ROBO1: variants seen among roughly 807,000 people sequenced by gnomAD.
The protein encoded by ROBO1 is roundabout guidance receptor 1.
ROBO1 carries 149 observed loss-of-function variants against 195.9 expected under a neutral mutation model. The ratio of observed to expected loss-of-function variants is 0.76; its 90% CI spans 0.67 to 0.87. The LOEUF (loss-of-function observed/expected upper bound fraction) is 0.87, where lower values mean the gene tolerates loss of function less well. Among genes scored for constraint, ROBO1 ranks in the 40% least tolerant of loss-of-function variants. The probability of loss-of-function intolerance (pLI) is 0.00; values close to 1 mark genes in which losing one functional copy is unlikely to be tolerated. For missense variants in ROBO1, 1,933 were observed against 2,068.3 expected, an observed-to-expected ratio of 0.93 and a Z score of 1.27; for synonymous variants, 816 against 733.2, an observed-to-expected ratio of 1.11 and a Z score of -1.82.
intron 2 of ROBO1, among the ~76,000 whole-genome samples, chr3:79,146,447 T>C (rs545690210): frequency 2.6e-5 from 4 of 152,172 alleles, no homozygotes; most frequent in Middle Eastern, 3.4e-3. Flanking sequence ...TATACTTTTG[T>C]AGGGCTAAAT....
In ROBO1 at chr3:78,751,346, C is replaced by T. The variant is rs2082791755; in HGVS notation, c.500-4446G>A. Among the ~76,000 whole-genome samples, 3 of 151,984 alleles carry T rather than the reference C, an allele frequency of 2.0e-5. No homozygotes were observed. The South Asian group carries it at 6.2e-4, about 32-fold the overall frequency. On this transcript the variant is annotated intron_variant, in intron 4 of 30. Transcript: ENST00000464233. ...GTCAGCAATATAATAATGATGTTAGCAATGGCTGATGCTAATTGAACATTT... is the reference window on the plus strand; with the variant it reads ...GTCAGCAATATAATAATGATGTTAGTAATGGCTGATGCTAATTGAACATTT...
At chr3:79,152,759 C>G (rs1219916989) in intron 2 of ROBO1, among the ~76,000 whole-genome samples, 1 of 151,618 alleles carries the variant, frequency 6.6e-6, no homozygotes, top group Non-Finnish European at 1.5e-5. Context: ...ACAAGACACA[C>G]AATCATGCAA....
intron 1 of ROBO1, among the ~76,000 whole-genome samples, chr3:79,723,601 C>T (rs976950599): frequency 4.6e-5 from 7 of 152,152 alleles, no homozygotes; most frequent in Middle Eastern, 3.4e-3. Flanking sequence ...ATGGATTTTA[C>T]ACTAAGATAA....
intron 3 of ROBO1, among the ~76,000 whole-genome samples, chr3:79,010,100 T>C (rs1011370396): frequency 6.6e-6 from 1 of 152,142 alleles, no homozygotes; most frequent in Admixed American, 6.6e-5. Flanking sequence ...CAGTAAGATG[T>C]AACATAAAAA....
chr3:79,297,997 T>C (rs184833505), intron 2 of ROBO1, among the ~76,000 whole-genome samples: 1 of 152,156 alleles, frequency 6.6e-6, no homozygotes, highest in African/African-American at 2.4e-5. Context: ...GAAAGTTCAA[T>C]GTCTGGGACT....
chr3:78,772,081 T>C (rs2083390104), intron 4 of ROBO1, among the ~76,000 whole-genome samples: 1 of 152,122 alleles, frequency 6.6e-6, no homozygotes, highest in South Asian at 2.1e-4. Flanking sequence ...ACAGATGTAA[T>C]AAATTTTCCA....
At chr3:79,048,491 T>C (rs1196102444) in intron 3 of ROBO1, among the ~76,000 whole-genome samples, 1 of 152,160 alleles carries the variant, frequency 6.6e-6, no homozygotes, top group Non-Finnish European at 1.5e-5. Context: ...CATGTGCTTC[T>C]CATGGAACCC....
intron 11 of ROBO1, 119 bp downstream of exon 11, chr3:78,669,977 T>C (rs2107712735): frequency 4.4e-6 from 3 of 679,402 alleles, no homozygotes; most frequent in East Asian, 2.8e-5. Flanking sequence ...ATTAAAAATA[T>C]ATTACTACTC....
intron 1 of ROBO1, among the ~76,000 whole-genome samples, chr3:79,681,402 A>C (rs745987575): frequency 1.3e-5 from 2 of 152,004 alleles, no homozygotes; most frequent in Non-Finnish European, 2.9e-5. Flanking sequence ...TCAGAGAAGC[A>C]GTTGAGTATA....
chr3:79,049,129 G>A (rs753933662), intron 3 of ROBO1, among the ~76,000 whole-genome samples: 10 of 151,988 alleles, frequency 6.6e-5, no homozygotes, highest in African/African-American at 1.4e-4. Flanking sequence ...CTAACCCACC[G>A]CAATGAAGCT....
intron 2 of ROBO1, among the ~76,000 whole-genome samples, chr3:79,339,187 T>C (rs2034807025): frequency 6.6e-6 from 1 of 152,222 alleles, no homozygotes; most frequent in Admixed American, 6.5e-5. Context: ...TCTCTTCTGC[T>C]TCCATCCTTG....
At chr3:79,141,903 C>G (rs188043620) in intron 2 of ROBO1, among the ~76,000 whole-genome samples, 68 of 152,156 alleles carry the variant, frequency 4.5e-4, no homozygotes, top group African/African-American at 1.5e-3. Flanking sequence ...CCACATATAA[C>G]ATGTTTTTAT....
intron 4 of ROBO1, among the ~76,000 whole-genome samples, chr3:78,761,887 T>G (rs1350115282): frequency 1.3e-5 from 2 of 152,140 alleles, no homozygotes; most frequent in African/African-American, 2.4e-5. Context: ...GTAACTAGCT[T>G]CCTATCAGCC....
intron 3 of ROBO1, among the ~76,000 whole-genome samples, chr3:79,006,791 T>A (rs2077634245): frequency 2.0e-5 from 3 of 150,642 alleles, no homozygotes; most frequent in South Asian, 4.2e-4. Flanking sequence ...CTCTCATAAG[T>A]TTTATTGTGA....
chr3:79,572,901 G>A (rs1178485495), intron 2 of ROBO1, among the ~76,000 whole-genome samples: 1 of 151,966 alleles, frequency 6.6e-6, no homozygotes, highest in African/African-American at 2.4e-5. Flanking sequence ...AATCAGATAC[G>A]CAATATAAGA....
chr3:79,755,665 GA>G (rs57015526), intron 1 of ROBO1, among the ~76,000 whole-genome samples: 36,915 of 150,840 alleles, frequency 0.24, 4,721 homozygotes, highest in East Asian at 0.33. Flanking sequence ...ATAATAAGAA[GA>G]AAAAAAAACA....
intron 29 of ROBO1, among the ~76,000 whole-genome samples, chr3:78,601,779 T>G (rs756707976): frequency 3.3e-5 from 5 of 152,132 alleles, no homozygotes; most frequent in Admixed American, 6.6e-5. Context: ...ACTATGAAAC[T>G]GAGAAAATTG....
intron 2 of ROBO1, among the ~76,000 whole-genome samples, chr3:79,392,065 T>A (rs998158984): frequency 6.6e-6 from 1 of 152,206 alleles, no homozygotes; most frequent in Non-Finnish European, 1.5e-5. Flanking sequence ...TTGTTCAGAA[T>A]TCCTCTTGAA....
At chr3:79,503,615 G>A (rs1404624294) in intron 2 of ROBO1, among the ~76,000 whole-genome samples, 6 of 152,150 alleles carry the variant, frequency 3.9e-5, no homozygotes, top group African/African-American at 1.4e-4. Context: ...TGGAGGATAG[G>A]TCTGTGTCGA....
Sources: allele counts gnomAD v4.1 joint callset (sites outside exome capture counted in the v4.1 genomes callset), GRCh38; gene constraint gnomAD v4.1.1; transcripts MANE v1.5; gene names NCBI Gene and HGNC (gene_info 2026-07-23, HGNC 2026-07-21).